Variants in SYNE1 observed in about 807,000 individuals in gnomAD.
SYNE1 encodes the protein nesprin-1.
In SYNE1, 616 loss-of-function variants were observed where a neutral mutation model predicts 1,111.0. The observed-to-expected ratio is 0.55, with a 90% CI of 0.52 to 0.59. The LOEUF is 0.59. Among genes scored for constraint, SYNE1 ranks in the 20% least tolerant of loss-of-function variants. The pLI is 0.00. For missense variants in SYNE1, 10,006 were observed against 10,417.0 expected (o/e 0.96, Z 1.72); for synonymous variants, 3,855 against 3,825.8 (o/e 1.01, Z -0.28).
intron 4 of SYNE1, among the ~76,000 whole-genome samples, chr6:152,537,153 C>T (rs2099247349): frequency 6.6e-6 from 1 of 152,008 alleles, no homozygotes; most frequent in Non-Finnish European, 1.5e-5. Context: ...CAATGTCTAA[C>T]AATAGAGCCC....
intron 46 of SYNE1, among the ~76,000 whole-genome samples, chr6:152,403,973 GTGA>G (rs1187625027): frequency 4.0e-5 from 6 of 151,634 alleles, no homozygotes; most frequent in African/African-American, 1.5e-4. Context: ...TGGAATTATG[GTGA>G]TGATGATAAC....
chr6:152,201,907 T>C lies in SYNE1; in HGVS notation c.23062A>G (p.Lys7688Glu). 1.2e-6 allele frequency: 2 copies of C among 1,613,956 alleles called. No individual in the cohort carries two copies. Among genetic ancestry groups the C allele is most frequent in the Non-Finnish European group, 1.7e-6 (2 of 1,179,848 alleles). ...AGCTTCTTTTTGAAAGTTCGTAGTT[T>C]CTCCAGGGAATCTGCTATTCCTTTC... The part of the protein sequence containing the change: ...CEKGIADSLE[K>E]LRTFKKKLSQ... Residue 7688 changes from lysine (K) to glutamate (E), a missense_variant, in exon 127 of 146, where the codon AAA becomes GAA. Lys to Glu is a moderately conservative substitution (Grantham distance 56). Around this residue, in one of 7 missense-constraint regions of SYNE1, gnomAD observed 2,182 missense variants for 2,287.8 expected, o/e 0.95. Transcript: ENST00000367255.
rs765249707 is a variant in SYNE1, at chr6:152,309,854, T to G, written c.17183A>C (p.Gln5728Pro). Residue 5728 changes from glutamine to proline, a missense_variant, in exon 90 of 146, where the codon CAG (glutamine) becomes CCG (proline). Gln to Pro is a moderately conservative substitution (Grantham distance 76, BLOSUM62 -1). Around this residue, in one of 7 missense-constraint regions of SYNE1, gnomAD observed 4,955 missense variants for 5,017.2 expected, o/e 0.99. Coordinates refer to ENST00000367255, the MANE Select transcript of SYNE1 (RefSeq NM_182961.4). ...EASRLQHTAIQQCNIMQEAVV... is the reference protein window; with the variant it reads ...EASRLQHTAIPQCNIMQEAVV... ...ACCTGCCTGCATGATGTTACACTGC[T>G]GGATGGCGGTGTGCTGCAGCCGGCT... The G allele has an allele frequency of 1.2e-6, 2 of 1,614,064 alleles. No individual in the cohort carries two copies. Among genetic ancestry groups the G allele is most frequent in the Admixed American group, 1.7e-5 (1 of 60,024 alleles).
At chr6:152,162,666 G>A (rs770985446) in intron 131 of SYNE1, among the ~76,000 whole-genome samples, 20 of 151,952 alleles carry the variant, frequency 1.3e-4, no homozygotes, top group Non-Finnish European at 1.8e-4. Context: ...ATTGAAAAAC[G>A]TCTTGCTAAC....
chr6:152,546,851 T>C (rs2099315933), intron 3 of SYNE1: 1 of 152,200 alleles, frequency 6.6e-6, no homozygotes, highest in African/African-American at 2.4e-5. Context: ...TAATGACATT[T>C]GTACTTTTTT....
At chr6:152,485,138 A>G (rs144528522) in intron 12 of SYNE1, among the ~76,000 whole-genome samples, 166 bp from the exon 13 acceptor site, 1 of 152,224 alleles carries the variant, frequency 6.6e-6, no homozygotes, top group Non-Finnish European at 1.5e-5. Context: ...TCATTCATCA[A>G]GCCCTGACAT....
At chr6:152,365,060 T>C in intron 62 of SYNE1, 41 bp from the exon 63 acceptor site, 2 of 1,609,364 alleles carry the variant, frequency 1.2e-6, no homozygotes, top group Non-Finnish European at 1.7e-6. Flanking sequence ...ATTTGTATGT[T>C]TAACATTGCT....
intron 90 of SYNE1, 84 bp downstream of exon 90, chr6:152,309,751 G>A: frequency 6.4e-7 from 1 of 1,564,614 alleles, no homozygotes; most frequent in Non-Finnish European, 8.7e-7. Context: ...GATGTGTTTT[G>A]ATGGCTGAGC....
Position 152,136,621 on chromosome 6 carries a change from G to A in SYNE1, c.25656C>T (p.Cys8552=), listed in dbSNP as rs747858299. The A allele has an allele frequency of 3.6e-5, 58 of 1,613,138 alleles. 1 individual carries two copies. In the Middle Eastern group the frequency reaches 9.3e-4, roughly 26 times the overall value. Residue 8552 remains cysteine (C), a synonymous_variant, in exon 141 of 146, where the codon TGC becomes TGT. Coordinates refer to ENST00000367255, the MANE Select transcript of SYNE1 (RefSeq NM_182961.4). ...TCCTGCCCAAAGCTCTACAGACCTG[G>A]CACTGCATCAGGGCATCCTGCAGCA... The part of the protein sequence containing the change: ...RGLLQDALMQ[C]QGFHEMSHGL...
At chr6:152,415,764 G>C (rs909162427) in intron 41 of SYNE1, among the ~76,000 whole-genome samples, 1 of 116,764 alleles carries the variant, frequency 8.6e-6, no homozygotes, top group African/African-American at 3.3e-5. Context: ...TGTCAAATTA[G>C]TCGTTAATCT....
At position 152,401,242 on chromosome 6, in the gene SYNE1, C is replaced by G; in HGVS notation, c.6925G>C (p.Val2309Leu). The G allele has an allele frequency of 6.2e-7, 1 of 1,614,148 alleles. No homozygotes were observed. Among genetic ancestry groups the G allele is most frequent in the South Asian group, 1.1e-5 (1 of 91,084 alleles). Reference sequence around the variant, plus strand: ...GTTATGTCATTAATAAACTTCTCCACTTGTGTACTTTGAGCCGTGAAATCC... The same window carrying G: ...GTTATGTCATTAATAAACTTCTCCAGTTGTGTACTTTGAGCCGTGAAATCC... ...LKDFTAQSTQVEKFINDITTW... is the reference protein window; with the variant it reads ...LKDFTAQSTQLEKFINDITTW... The change falls in exon 47 of 146, where the codon GTG becomes CTG. Residue 2309 changes from valine to leucine, a missense_variant. This residue lies in a region of SYNE1 where 4,955 missense variants were observed against 5,017.2 expected (regional missense o/e 0.99). Transcript: ENST00000367255.
intron 29 of SYNE1, among the ~76,000 whole-genome samples, chr6:152,445,587 A>C (rs1387816920): frequency 2.6e-5 from 4 of 152,070 alleles, no homozygotes; most frequent in Non-Finnish European, 5.9e-5. Context: ...TTTTCCAAGG[A>C]GAGCAATCTG....
rs73783839 is a variant in SYNE1 at position 152,323,999 on chromosome 6, A to G, written c.15658-262T>C. On this transcript the variant is annotated intron_variant, in intron 81 of 145. Transcript: ENST00000367255. ...ACTTAATACAGAAAAAGCTTTAAAAAAAAACTAAGCAAACAAAATACTCTT... is the reference window on the plus strand; with the variant it reads ...ACTTAATACAGAAAAAGCTTTAAAAGAAAACTAAGCAAACAAAATACTCTT... Among the ~76,000 whole-genome samples the G allele has an allele frequency of 0.042, 6,382 of 152,296 alleles. 459 individuals carry two copies. Among genetic ancestry groups the G allele is most frequent in the African/African-American group, 0.15 (6,112 of 41,542 alleles).
At chr6:152,402,210 C>T (rs77677223) in intron 46 of SYNE1, among the ~76,000 whole-genome samples, 2,024 of 152,262 alleles carry the variant, frequency 0.013, 55 homozygotes, top group African/African-American at 0.046. Context: ...TTCCTCCTCC[C>T]ATAGGCCTTG....
chr6:152,365,864 C>G (rs1254640449), intron 62 of SYNE1, among the ~76,000 whole-genome samples: 14 of 152,176 alleles, frequency 9.2e-5, no homozygotes, highest in Non-Finnish European at 2.9e-5. Context: ...AAAGCCTCAG[C>G]TTCAGCCACC....
chr6:152,136,548 T>G, intron 141 of SYNE1, 70 bp downstream of exon 141: 1 of 1,584,748 alleles, frequency 6.3e-7, no homozygotes, highest in Non-Finnish European at 8.6e-7. Flanking sequence ...CCATGATACA[T>G]CAAGTCACAC....
chr6:152,465,939 C>A, intron 17 of SYNE1, 43 bp downstream of exon 17: 1 of 1,338,236 alleles, frequency 7.5e-7, no homozygotes, highest in South Asian at 1.2e-5. Context: ...GCTCTAAATT[C>A]TACTGCAGTC....
intron 3 of SYNE1, among the ~76,000 whole-genome samples, chr6:152,572,203 T>C (rs2099464719): frequency 1.3e-5 from 2 of 152,348 alleles, no homozygotes; most frequent in South Asian, 4.1e-4. Context: ...TTTACTGTAA[T>C]GAAGTGTAAC....
intron 3 of SYNE1, among the ~76,000 whole-genome samples, chr6:152,554,586 T>C (rs2099358832): frequency 6.6e-6 from 1 of 152,216 alleles, no homozygotes; most frequent in South Asian, 2.1e-4. Context: ...CTAATTCATA[T>C]GCTTCCTCAG....
Sources: allele counts gnomAD v4.1 joint callset (sites outside exome capture counted in the v4.1 genomes callset), GRCh38; gene constraint gnomAD v4.1.1; regional missense constraint gnomAD v4.1.1; transcripts MANE v1.5; gene names NCBI Gene and HGNC (gene_info 2026-07-23, HGNC 2026-07-21).